The following SRPRB variants were observed in gnomAD, a reference collection of about 807,000 sequenced individuals.
SRPRB encodes signal recognition particle receptor subunit beta.
SRPRB carries 20 observed loss-of-function variants against 31.9 expected under a neutral mutation model. The ratio of observed to expected loss-of-function variants is 0.63; its 90% confidence interval spans 0.44 to 0.91. The LOEUF (loss-of-function observed/expected upper bound fraction) is 0.91, where lower values mean the gene tolerates loss of function less well. Among genes scored for constraint, SRPRB ranks in the 40% least tolerant of loss-of-function variants. SRPRB has a pLI of 0.00. For missense variants in SRPRB, 321 were observed against 324.9 expected (o/e 0.99, Z 0.09); for synonymous variants, 146 against 132.8 (o/e 1.10, Z -0.68).
chr3:133,784,818 A>G (rs985835462), intron 1 of SRPRB: 1 of 152,302 alleles, frequency 6.6e-6, no homozygotes. Context: ...CTGAGAAGGA[A>G]GAGAGGACAG....
intron 1 of SRPRB, chr3:133,791,614 T>C (rs1934834757): frequency 6.6e-6 from 1 of 152,210 alleles, no homozygotes; most frequent in African/African-American, 2.4e-5. Flanking sequence ...TCTTTCTGTA[T>C]TGTTTTGTCA....
At chr3:133,816,274 G>C (rs1328610134) in intron 5 of SRPRB, among the ~76,000 whole-genome samples, 1 of 152,146 alleles carries the variant, frequency 6.6e-6, no homozygotes, top group East Asian at 1.9e-4. Context: ...AGAGTTCAAG[G>C]CATTTCTCAG....
intron 1 of SRPRB, chr3:133,787,339 T>G (rs1308618669): frequency 2.6e-5 from 4 of 152,198 alleles, no homozygotes; most frequent in African/African-American, 9.7e-5. Flanking sequence ...CCTGTACCTG[T>G]CCACTGGATT....
chr3:133,822,326 G>A (rs1478702151), downstream of SRPRB, among the ~76,000 whole-genome samples: 1 of 152,076 alleles, frequency 6.6e-6, no homozygotes, highest in African/African-American at 2.4e-5. Flanking sequence ...CCCTCATGGA[G>A]GGGCAGCTGT....
chr3:133,814,762 T>C (rs1202246197), intron 4 of SRPRB, among the ~76,000 whole-genome samples: 1 of 152,190 alleles, frequency 6.6e-6, no homozygotes, highest in Non-Finnish European at 1.5e-5. Context: ...TGTCTGCAGT[T>C]TCCCTGGGCT....
In SRPRB at chr3:133,806,638, A is replaced by T; in HGVS notation, c.184A>T (p.Ser62Cys). 3 of 1,614,184 alleles carry T rather than the reference A, an allele frequency of 1.9e-6. No individual in the cohort carries two copies. Among genetic ancestry groups the T allele is most frequent in the Non-Finnish European group, 2.5e-6 (3 of 1,180,022 alleles). ...CTGGAAGTTAATCCGGAGCAGAAGG[A>T]GCAGTCAGAGAGCTGTTCTTCTTGT... ...VFWKLIRSRR[S>C]SQRAVLLVGL... Residue 62 changes from serine (S) to cysteine (C), a missense_variant, in exon 2 of 7, where the codon AGC (serine) becomes TGC (cysteine). By Grantham distance (112) the Ser-to-Cys change is moderately radical (BLOSUM62 -1). Transcript: ENST00000678299.
chr3:133,799,904 C>A (rs1285197744), intron 1 of SRPRB, among the ~76,000 whole-genome samples: 1 of 152,202 alleles, frequency 6.6e-6, no homozygotes, highest in Non-Finnish European at 1.5e-5. Flanking sequence ...CATGGTTCCT[C>A]TTCTCATCTA....
chr3:133,824,564 T>A (rs1277296727), downstream of SRPRB: 1 of 151,978 alleles, frequency 6.6e-6, no homozygotes, highest in African/African-American at 2.4e-5. Context: ...CAGACAGGGG[T>A]CTGGAGTCCA....
intron 1 of SRPRB, chr3:133,796,402 A>G: frequency 6.6e-6 from 1 of 152,418 alleles, no homozygotes. Flanking sequence ...TAGGCAAGGA[A>G]TATAAGGCAG....
intron 1 of SRPRB, among the ~76,000 whole-genome samples, chr3:133,806,306 A>T (rs1159520443): frequency 2.0e-5 from 3 of 152,072 alleles, no homozygotes; most frequent in African/African-American, 7.2e-5. Context: ...CACTGCAAAG[A>T]CTCAGGGTCT....
Position 133,819,681 on chromosome 3 carries a change from T to C in SRPRB, c.731T>C (p.Leu244Pro), listed in dbSNP as rs1179442554. ...FSQLPLKVEF[L>P]ECSAKGGRGD... ...CAGTTGCCCCTCAAAGTGGAGTTCC[T>C]GGAGTGCAGTGCCAAGGGTGGAAGA... The change falls in exon 7 of 7, where the codon CTG (leucine) becomes CCG (proline). Residue 244 changes from leucine (L) to proline (P), a missense_variant. Coordinates refer to ENST00000678299, the MANE Select transcript of SRPRB (RefSeq NM_001379313.1). 4.3e-6 allele frequency: 7 copies of C among 1,614,166 alleles called. No individual in the cohort carries two copies. Among genetic ancestry groups the C allele is most frequent in the Non-Finnish European group, 5.9e-6 (7 of 1,180,038 alleles).
At chr3:133,807,659 C>T in intron 2 of SRPRB, 87 bp from the exon 3 acceptor site, 1 of 903,716 alleles carries the variant, frequency 1.1e-6, no homozygotes, top group Non-Finnish European at 1.8e-6. Context: ...TTTACTTAAC[C>T]TTACACCTGG....
chr3:133,822,612 C>T (rs974461475), downstream of SRPRB, among the ~76,000 whole-genome samples: 1 of 152,206 alleles, frequency 6.6e-6, no homozygotes, highest in Non-Finnish European at 1.5e-5. Flanking sequence ...CCTGGGCTGT[C>T]AGTGTTCCCC....
chr3:133,800,034 A>G (rs1462278836), intron 1 of SRPRB, among the ~76,000 whole-genome samples: 3 of 152,160 alleles, frequency 2.0e-5, no homozygotes, highest in African/African-American at 7.2e-5. Context: ...CCAGGGACGA[A>G]CCTAGAAGTG....
intron 1 of SRPRB, chr3:133,796,555 C>T (rs142955264): frequency 1.2e-4 from 19 of 152,318 alleles, no homozygotes; most frequent in African/African-American, 3.8e-4. Context: ...ATTCTGTAAC[C>T]GGGCTATTGA....
chr3:133,814,427 G>A (rs1431162794), intron 4 of SRPRB, among the ~76,000 whole-genome samples: 1 of 150,946 alleles, frequency 6.6e-6, no homozygotes, highest in Non-Finnish European at 1.5e-5. Flanking sequence ...CACCGCGCCT[G>A]GCCGGTTTTT....
intron 6 of SRPRB, among the ~76,000 whole-genome samples, chr3:133,819,080 G>C (rs1935418487): frequency 6.6e-6 from 1 of 152,180 alleles, no homozygotes; most frequent in South Asian, 2.1e-4. Flanking sequence ...TTGGATAATA[G>C]TAATTCTGCC....
At chr3:133,827,983 C>G, downstream of SRPRB, 1 of 702,960 alleles carries the variant, frequency 1.4e-6, no homozygotes, top group Non-Finnish European at 2.6e-6. Flanking sequence ...TTGCCAACAG[C>G]ACCTCGTCCT....
At chr3:133,801,991 A>G (rs996725615), upstream of SRPRB, among the ~76,000 whole-genome samples, 1 of 150,254 alleles carries the variant, frequency 6.7e-6, no homozygotes, top group Non-Finnish European at 1.5e-5. Flanking sequence ...TAGAAGCCCA[A>G]TTGCCTGGGA....
Sources: gnomAD v4.1 joint callset for allele counts (sites outside exome capture counted in the v4.1 genomes callset) on GRCh38, gnomAD v4.1.1 for gene constraint, MANE v1.5 for transcripts, NCBI Gene and HGNC (gene_info 2026-07-23, HGNC 2026-07-21) for gene names.